The following PAPPA2 variants were observed in gnomAD, a reference collection of about 807,000 sequenced individuals.
PAPPA2 encodes pappalysin 2.
Under a neutral mutation model 176.4 loss-of-function variants are expected in PAPPA2, and 86 were observed. The ratio of observed to expected loss-of-function variants is 0.49; its 90% CI spans 0.41 to 0.58. PAPPA2 has a LOEUF of 0.58. Among genes scored for constraint, PAPPA2 ranks in the 20% least tolerant of loss-of-function variants. The probability of loss-of-function intolerance (pLI) is 0.00; values close to 1 mark genes in which losing one functional copy is unlikely to be tolerated. For synonymous variants in PAPPA2, 809 were observed against 852.2 expected (o/e 0.95, Z 0.88); for missense variants, 2,073 against 2,256.9 (o/e 0.92, Z 1.65).
chr1:176,781,076 G>A (rs1243517790), intron 17 of PAPPA2, among the ~76,000 whole-genome samples: 2 of 152,148 alleles, frequency 1.3e-5, no homozygotes, highest in Non-Finnish European at 2.9e-5. Flanking sequence ...TGAAGTAGGA[G>A]CTGTTGAACT....
At position 176,692,145 on chromosome 1, in the gene PAPPA2, C is replaced by G. The variant is rs774105483; in HGVS notation, c.2451C>G (p.Asn817Lys). ...CCACAGATGATAACTGCACTGACAA[C>G]TTCACTCCTAACCAAGTGGCCCGAA... ...MSYTDDNCTD[N>K]FTPNQVARMH... Residue 817 changes from asparagine to lysine, a missense_variant, in exon 6 of 23, where the codon AAC becomes AAG. Physicochemically the swap from Asn to Lys is moderately conservative, Grantham distance 94. Coordinates refer to ENST00000367662, the MANE Select transcript of PAPPA2 (RefSeq NM_020318.3). The G allele has an allele frequency of 2.5e-6, 4 of 1,613,514 alleles. No individual in the cohort carries two copies. The African/African-American group carries it at 5.3e-5, about 22-fold the overall frequency.
intron 3 of PAPPA2, among the ~76,000 whole-genome samples, chr1:176,640,471 C>T (rs977435000): frequency 1.3e-5 from 2 of 151,350 alleles, no homozygotes; most frequent in African/African-American, 2.4e-5. Flanking sequence ...CGATAGTTTA[C>T]TGAGAATGAT....
intron 15 of PAPPA2, among the ~76,000 whole-genome samples, chr1:176,766,060 A>G (rs759417861): frequency 6.7e-4 from 102 of 152,192 alleles, no homozygotes; most frequent in Non-Finnish European, 1.3e-3. Context: ...GTAAAGGGCA[A>G]TGCTTATTCT....
At chr1:176,622,149 T>C (rs1433802902) in intron 3 of PAPPA2, among the ~76,000 whole-genome samples, 1 of 152,144 alleles carries the variant, frequency 6.6e-6, no homozygotes, top group Non-Finnish European at 1.5e-5. Context: ...TCTGAGACAC[T>C]GGGGTTATTT....
At chr1:176,653,181 C>G (rs1179585233) in intron 3 of PAPPA2, among the ~76,000 whole-genome samples, 1 of 151,704 alleles carries the variant, frequency 6.6e-6, no homozygotes, top group African/African-American at 2.4e-5. Context: ...GTTTTCTATT[C>G]CTTGTTCCTC....
At chr1:176,515,036 T>A (rs182310593) in intron 1 of PAPPA2, among the ~76,000 whole-genome samples, 1 of 152,198 alleles carries the variant, frequency 6.6e-6, no homozygotes, top group South Asian at 2.1e-4. Context: ...CTTTGTTAGT[T>A]GTATATTAAT....
chr1:176,594,394 C>T, intron 2 of PAPPA2, 130 bp from the exon 3 acceptor site: 1 of 746,618 alleles, frequency 1.3e-6, no homozygotes, highest in Non-Finnish European at 2.1e-6. Flanking sequence ...GGTGAGAAAT[C>T]TGTGTCGCTT....
At chr1:176,769,571 A>G (rs761657339) in intron 15 of PAPPA2, 36 bp from the exon 16 acceptor site, 76 of 1,597,408 alleles carry the variant, frequency 4.8e-5, no homozygotes, top group Non-Finnish European at 5.8e-5. Flanking sequence ...ACGCCTTTTA[A>G]TGTGACTTTG....
At chr1:176,668,476 C>T (rs1658792760) in intron 3 of PAPPA2, among the ~76,000 whole-genome samples, 1 of 152,144 alleles carries the variant, frequency 6.6e-6, no homozygotes, top group Non-Finnish European at 1.5e-5. Context: ...AAGCAAGGTG[C>T]TAAGCTCTAA....
chr1:176,696,162 G>A (rs897484536), intron 7 of PAPPA2, among the ~76,000 whole-genome samples: 1 of 152,066 alleles, frequency 6.6e-6, no homozygotes, highest in Non-Finnish European at 1.5e-5. Flanking sequence ...TGACTTCAGG[G>A]TGAGATAGCT....
intron 1 of PAPPA2, among the ~76,000 whole-genome samples, chr1:176,486,489 C>A (rs1652650942): frequency 6.6e-6 from 1 of 152,030 alleles, no homozygotes; most frequent in Non-Finnish European, 1.5e-5. Flanking sequence ...AAGAGAAGTT[C>A]TTGGCATCAA....
intron 21 of PAPPA2, among the ~76,000 whole-genome samples, chr1:176,837,478 CAAAA>C (rs35134966): frequency 0.04 from 3,757 of 94,836 alleles, 118 homozygotes; most frequent in African/African-American, 0.12. Context: ...TGTTAAAAGG[CAAAA>C]AAAAAAAAAA....
At chr1:176,748,703 T>C (rs1384553935) in intron 14 of PAPPA2, among the ~76,000 whole-genome samples, 1 of 152,226 alleles carries the variant, frequency 6.6e-6, no homozygotes, top group East Asian at 1.9e-4. Flanking sequence ...TATTTTTTGC[T>C]GTACCTTTTC....
chr1:176,829,545 A>G lies in PAPPA2; in HGVS notation c.5203-10628A>G, dbSNP rs75490426. Among the ~76,000 whole-genome samples the G allele has an allele frequency of 1.6e-3, 241 of 152,312 alleles. 4 individuals carry two copies. Among genetic ancestry groups the G allele is most frequent in the East Asian group, 0.01 (54 of 5,168 alleles). On this transcript the variant is annotated intron_variant, in intron 21 of 22. Coordinates refer to ENST00000367662, the MANE Select transcript of PAPPA2 (RefSeq NM_020318.3). ...CCTGCCTCAGCCTCCCATGAACTGA[A>G]TGCTGGCCGAGGAACCAGGAGACAG...
chr1:176,528,078 G>C (rs967043511), intron 1 of PAPPA2, among the ~76,000 whole-genome samples: 12 of 152,204 alleles, frequency 7.9e-5, no homozygotes, highest in African/African-American at 2.9e-4. Flanking sequence ...AGGATTTATA[G>C]TGAAAGAGCA....
At chr1:176,733,528 C>T (rs1394688209) in intron 12 of PAPPA2, among the ~76,000 whole-genome samples, 2 of 152,110 alleles carry the variant, frequency 1.3e-5, no homozygotes, top group Non-Finnish European at 2.9e-5. Flanking sequence ...TTGATTTTTA[C>T]ATGAAAGCTT....
intron 4 of PAPPA2, among the ~76,000 whole-genome samples, chr1:176,673,022 A>G (rs1659097516): frequency 2.0e-5 from 3 of 152,138 alleles, no homozygotes; most frequent in Non-Finnish European, 4.4e-5. Flanking sequence ...ATTTATCTAC[A>G]ATTACTACGA....
chr1:176,646,595 ACT>A (rs1657412714), intron 3 of PAPPA2, among the ~76,000 whole-genome samples: 1 of 147,662 alleles, frequency 6.8e-6, no homozygotes, highest in Admixed American at 6.9e-5. Context: ...TCATCATTTT[ACT>A]CTCTGTTACC....
At chr1:176,786,612 C>G (rs1438333539) in intron 17 of PAPPA2, among the ~76,000 whole-genome samples, 1 of 152,190 alleles carries the variant, frequency 6.6e-6, no homozygotes, top group African/African-American at 2.4e-5. Context: ...TCTGAGTGCT[C>G]AGCCCAGGAT....
Sources: gnomAD v4.1 joint callset for allele counts (sites outside exome capture counted in the v4.1 genomes callset) on GRCh38, gnomAD v4.1.1 for gene constraint, MANE v1.5 for transcripts, NCBI Gene and HGNC (gene_info 2026-07-23, HGNC 2026-07-21) for gene names.